UTRN: variants seen among roughly 807,000 people sequenced by gnomAD.
The protein encoded by UTRN is utrophin.
Under a neutral mutation model 463.9 loss-of-function variants are expected in UTRN, and 283 were observed. The ratio of observed to expected loss-of-function variants is 0.61; its 90% CI spans 0.55 to 0.67. The LOEUF (loss-of-function observed/expected upper bound fraction) is 0.67, where lower values mean the gene tolerates loss of function less well. Ranked by LOEUF, UTRN falls within the 30% of genes least tolerant of loss-of-function variation. UTRN has a pLI of 0.00. For missense variants in UTRN, 3,922 were observed against 4,084.3 expected (o/e 0.96, Z 1.08); for synonymous variants, 1,442 against 1,431.5 (o/e 1.01, Z -0.17).
At chr6:144,667,084 C>G (rs923628792) in intron 51 of UTRN, among the ~76,000 whole-genome samples, 2 of 151,956 alleles carry the variant, frequency 1.3e-5, no homozygotes, top group Admixed American at 1.3e-4. Context: ...AGAAGAAATC[C>G]CCCTCTGTCA....
Position 144,782,848 on chromosome 6 carries a change from A to G in UTRN, c.8834+725A>G, listed in dbSNP as rs1775964712. On this transcript the variant is annotated intron_variant, in intron 61 of 74. Transcript: ENST00000367545. ...TGTGGGCTGACATTTCTGAAACATT[A>G]GGAATTACTCATTGTTCTGGTGGGA... 2.0e-5 allele frequency among the ~76,000 whole-genome samples: 3 copies of G among 152,106 alleles called. No homozygotes were observed. In the South Asian group the frequency reaches 6.3e-4, roughly 32 times the overall value.
At chr6:144,746,287 G>A (rs902995629) in intron 54 of UTRN, among the ~76,000 whole-genome samples, 1 of 151,948 alleles carries the variant, frequency 6.6e-6, no homozygotes, top group Admixed American at 6.6e-5. Context: ...ACAGGCGTGA[G>A]CTACCGCACC....
At chr6:144,850,114 A>G (rs1301199898) in intron 74 of UTRN, among the ~76,000 whole-genome samples, 3 of 152,204 alleles carry the variant, frequency 2.0e-5, no homozygotes, top group Admixed American at 6.5e-5. Context: ...AATGTTCAAA[A>G]TGGAGAAGCA....
intron 52 of UTRN, among the ~76,000 whole-genome samples, chr6:144,694,344 T>G (rs1237699571): frequency 6.6e-6 from 1 of 151,814 alleles, no homozygotes; most frequent in Non-Finnish European, 1.5e-5. Flanking sequence ...TAGCCTGAAG[T>G]TTTTTTGGTG....
At position 144,438,850 on chromosome 6, in the gene UTRN, GGAT is replaced by G; in HGVS notation, c.1355_1357del (p.Asp452del). On this transcript the variant is annotated inframe_deletion, in exon 12 of 75. Coordinates refer to ENST00000367545, the MANE Select transcript of UTRN (RefSeq NM_007124.3). ...TTCAGAAGATGGAAACTTGCCCCCT[GGAT>G]GATGATGTAAAATCTCTACAAAAGC... The G allele has an allele frequency of 6.2e-7, 1 of 1,614,128 alleles. No homozygotes were observed.
intron 23 of UTRN, among the ~76,000 whole-genome samples, chr6:144,463,661 T>A (rs890170944): frequency 6.6e-5 from 10 of 151,920 alleles, no homozygotes; most frequent in Non-Finnish European, 8.8e-5. Context: ...TTGTCTTTTT[T>A]AAATTTCTTA....
intron 63 of UTRN, among the ~76,000 whole-genome samples, chr6:144,795,736 A>G (rs556076295): frequency 6.6e-6 from 1 of 151,758 alleles, no homozygotes; most frequent in South Asian, 2.1e-4. Flanking sequence ...TTTTCTTGTA[A>G]ATTTGTTTAA....
intron 2 of UTRN, among the ~76,000 whole-genome samples, chr6:144,292,110 C>T (rs1804298401): frequency 6.6e-6 from 1 of 152,120 alleles, no homozygotes; most frequent in Admixed American, 6.5e-5. Flanking sequence ...CTTTCTCAAC[C>T]CAATTTTGTG....
At chr6:144,308,553 G>A (rs539078207) in intron 2 of UTRN, among the ~76,000 whole-genome samples, 16 of 152,086 alleles carry the variant, frequency 1.1e-4, no homozygotes, top group African/African-American at 3.6e-4. Context: ...TCAGCCTCCC[G>A]AAGTGTTGGG....
chr6:144,692,947 A>G (rs771671909), intron 52 of UTRN, among the ~76,000 whole-genome samples: 11 of 150,924 alleles, frequency 7.3e-5, no homozygotes, highest in Non-Finnish European at 1.5e-4. Flanking sequence ...TGTCTTCATC[A>G]TGAAATTTTT....
intron 51 of UTRN, among the ~76,000 whole-genome samples, chr6:144,628,633 T>C (rs1185983560): frequency 1.3e-5 from 2 of 152,208 alleles, no homozygotes; most frequent in Non-Finnish European, 2.9e-5. Context: ...GTGAACTAGA[T>C]TTCATGGTTT....
chr6:144,742,824 G>A (rs1790254981), intron 54 of UTRN, among the ~76,000 whole-genome samples: 1 of 152,124 alleles, frequency 6.6e-6, no homozygotes, highest in Non-Finnish European at 1.5e-5. Context: ...CAGTAAAAAT[G>A]CCAGTTGTGA....
At chr6:144,451,158 G>A (rs72999713) in intron 17 of UTRN, among the ~76,000 whole-genome samples, 10,275 of 152,184 alleles carry the variant, frequency 0.068, 411 homozygotes, top group South Asian at 0.092. Context: ...TTCTTCAATT[G>A]TTTATTAACC....
chr6:144,817,585 C>A (rs1156265921), intron 65 of UTRN, among the ~76,000 whole-genome samples: 1 of 151,828 alleles, frequency 6.6e-6, no homozygotes, highest in African/African-American at 2.4e-5. Context: ...TTAGGTACTA[C>A]TATTATATAA....
intron 65 of UTRN, among the ~76,000 whole-genome samples, chr6:144,814,016 A>T (rs185260906): frequency 1.8e-4 from 28 of 152,296 alleles, no homozygotes; most frequent in African/African-American, 6.7e-4. Flanking sequence ...AACTGTTCCT[A>T]CGTGCTGGTA....
rs148652205 is a variant in UTRN at position 144,760,230 on chromosome 6, G to A, written c.8495+2241G>A. Among the ~76,000 whole-genome samples, 507 of 152,066 alleles carry A rather than the reference G, an allele frequency of 3.3e-3. 3 individuals carry two copies. Among genetic ancestry groups the A allele is most frequent in the Non-Finnish European group, 4.6e-3 (315 of 67,972 alleles). On this transcript the variant is annotated intron_variant, in intron 58 of 74. Coordinates refer to ENST00000367545, the MANE Select transcript of UTRN (RefSeq NM_007124.3). ...GTAGGATTGTATTCTTGTTCTTGTG[G>A]GGCAGAGTTCTTATGGGGCAGATTG...
At chr6:144,777,131 C>T (rs372005299) in intron 60 of UTRN, among the ~76,000 whole-genome samples, 10 of 152,204 alleles carry the variant, frequency 6.6e-5, no homozygotes, top group African/African-American at 2.4e-4. Flanking sequence ...TGGCACAGAG[C>T]AGGGGTTGCT....
intron 46 of UTRN, among the ~76,000 whole-genome samples, chr6:144,546,750 A>G (rs961163713): frequency 6.6e-6 from 1 of 152,176 alleles, no homozygotes; most frequent in Non-Finnish European, 1.5e-5. Context: ...TTGAGGCTGC[A>G]ATGAGCTGTG....
chr6:144,800,537 T>A (rs1777612142), intron 64 of UTRN, among the ~76,000 whole-genome samples: 1 of 152,098 alleles, frequency 6.6e-6, no homozygotes, highest in Admixed American at 6.5e-5. Flanking sequence ...AGCTCTGGAG[T>A]CAGGCTACTT....
Sources: gnomAD v4.1 joint callset for allele counts (sites outside exome capture counted in the v4.1 genomes callset) on GRCh38, gnomAD v4.1.1 for gene constraint, MANE v1.5 for transcripts, NCBI Gene and HGNC (gene_info 2026-07-23, HGNC 2026-07-21) for gene names.